HSD17B12: variants seen among roughly 807,000 people sequenced by gnomAD.
HSD17B12 encodes the protein hydroxysteroid 17-beta dehydrogenase 12.
Under a neutral mutation model 39.3 loss-of-function variants are expected in HSD17B12, and 32 were observed. The observed-to-expected ratio is 0.81, with a 90% CI of 0.61 to 1.09. The LOEUF (loss-of-function observed/expected upper bound fraction) is 1.09, where lower values mean the gene tolerates loss of function less well. Among genes scored for constraint, HSD17B12 ranks in the 50% least tolerant of loss-of-function variants. The pLI, the probability that HSD17B12 is intolerant of heterozygous loss-of-function variation, is 0.00. For missense variants in HSD17B12, 342 were observed against 382.9 expected, an observed-to-expected ratio of 0.89 and a Z score of 0.89; for synonymous variants, 150 against 146.7, an observed-to-expected ratio of 1.02 and a Z score of -0.16.
chr11:43,781,972 A>T (rs1950770006), intron 3 of HSD17B12, among the ~76,000 whole-genome samples: 1 of 152,210 alleles, frequency 6.6e-6, no homozygotes, highest in African/African-American at 2.4e-5. Flanking sequence ...ACTCTGATTG[A>T]TTTAATAACA....
At chr11:43,762,788 G>A (rs7127494) in intron 3 of HSD17B12, among the ~76,000 whole-genome samples, 166 of 152,236 alleles carry the variant, frequency 1.1e-3, no homozygotes, top group African/African-American at 3.9e-3. Context: ...TGTTGATAAC[G>A]TAATCTTAGC....
intron 1 of HSD17B12, among the ~76,000 whole-genome samples, chr11:43,744,332 TG>T (rs1950394611): frequency 6.6e-6 from 1 of 151,738 alleles, no homozygotes; most frequent in Non-Finnish European, 1.5e-5. Flanking sequence ...ACAGACTAAG[TG>T]ATAATTGTAA....
At chr11:43,563,883 C>T in the HSD17B12 span, among the ~76,000 whole-genome samples, 1 of 152,032 alleles carries the variant, frequency 6.6e-6, no homozygotes, top group East Asian at 1.9e-4. Flanking sequence ...AGAAGAACAG[C>T]CTTCTTTTAT....
the HSD17B12 span, among the ~76,000 whole-genome samples, chr11:43,643,411 T>C: frequency 1.3e-5 from 2 of 152,162 alleles, no homozygotes; most frequent in African/African-American, 4.8e-5. Context: ...GAATAAAATA[T>C]GTAATTGTGC....
chr11:43,796,263 A>C (rs1346929939), intron 3 of HSD17B12, among the ~76,000 whole-genome samples: 3 of 152,100 alleles, frequency 2.0e-5, no homozygotes, highest in Non-Finnish European at 2.9e-5. Context: ...ACCTACGTTA[A>C]ATAGGAAAAG....
At chr11:43,668,114 A>G in the HSD17B12 span, among the ~76,000 whole-genome samples, 2 of 152,204 alleles carry the variant, frequency 1.3e-5, no homozygotes, top group Admixed American at 6.5e-5. Flanking sequence ...GCTGTTACAA[A>G]TTACTGCAGA....
intron 1 of HSD17B12, among the ~76,000 whole-genome samples, chr11:43,724,880 G>A (rs1950207260): frequency 6.6e-6 from 1 of 152,058 alleles, no homozygotes; most frequent in Admixed American, 6.6e-5. Context: ...GAGAAACTAG[G>A]GGCACATACT....
chr11:43,592,751 A>G, the HSD17B12 span, among the ~76,000 whole-genome samples: 3 of 152,140 alleles, frequency 2.0e-5, no homozygotes, highest in Admixed American at 6.5e-5. Flanking sequence ...TATGGGTAAA[A>G]TATGGCTTAT....
At chr11:43,833,030 CTCAAAAAAAAAAAAAA>C (rs1565106015) in intron 7 of HSD17B12, 2 of 66,854 alleles carry the variant, frequency 3.0e-5, no homozygotes, top group Admixed American at 1.4e-4. Context: ...GAGACCCTGT[CTCAAAAAAAAAAAAAA>C]AAAAAAAAGG....
chr11:43,785,383 A>G (rs1030476334), intron 3 of HSD17B12, among the ~76,000 whole-genome samples: 4 of 152,216 alleles, frequency 2.6e-5, no homozygotes, highest in African/African-American at 9.6e-5. Flanking sequence ...AACAGTTAAT[A>G]TTACATGAAA....
chr11:43,655,884 C>T, the HSD17B12 span, among the ~76,000 whole-genome samples: 150,837 of 152,216 alleles, frequency 0.99, 74,754 homozygotes, highest in Middle Eastern at 1. Flanking sequence ...GTTGTGTCTC[C>T]GTCAGCCTTT....
intron 1 of HSD17B12, among the ~76,000 whole-genome samples, chr11:43,736,737 C>T (rs1163374571): frequency 1.3e-5 from 2 of 152,128 alleles, no homozygotes; most frequent in Non-Finnish European, 2.9e-5. Context: ...GAAGTTGCTG[C>T]TGTTTTATTA....
the HSD17B12 span, among the ~76,000 whole-genome samples, chr11:43,604,620 T>C: frequency 2.1e-4 from 32 of 152,320 alleles, no homozygotes; most frequent in Admixed American, 5.9e-4. Flanking sequence ...CATAATTCAT[T>C]ACTGGCATCA....
At chr11:43,847,721 A>AAAAAAAAAAAAAAAAAAAAAAG in intron 9 of HSD17B12, among the ~76,000 whole-genome samples, 1 of 151,118 alleles carries the variant, frequency 6.6e-6, no homozygotes, top group African/African-American at 2.4e-5. Flanking sequence ...CTCACAAAAA[A>AAAAAAAAAAAAAAAAAAAAAAG]AAAAAAAAAA....
chr11:43,818,248 T>C (rs552500614), intron 6 of HSD17B12, among the ~76,000 whole-genome samples: 1 of 152,256 alleles, frequency 6.6e-6, no homozygotes, highest in Admixed American at 6.5e-5. Flanking sequence ...ACGGGGAATA[T>C]GGAAGTATAA....
the HSD17B12 span, among the ~76,000 whole-genome samples, chr11:43,602,142 T>C: frequency 6.6e-6 from 1 of 152,224 alleles, no homozygotes; most frequent in Non-Finnish European, 1.5e-5. Flanking sequence ...CTTCCATCTG[T>C]CTTGCTTCAG....
At chr11:43,760,296 C>T (rs537587188) in intron 3 of HSD17B12, among the ~76,000 whole-genome samples, 38 of 152,288 alleles carry the variant, frequency 2.5e-4, no homozygotes, top group African/African-American at 9.1e-4. Context: ...GCGATCCTCC[C>T]ACCTTGGCCC....
At chr11:43,636,522 A>C in the HSD17B12 span, among the ~76,000 whole-genome samples, 3 of 152,328 alleles carry the variant, frequency 2.0e-5, no homozygotes, top group East Asian at 5.8e-4. Context: ...CCATTACATG[A>C]ATAAATGGTC....
At chr11:43,815,622 C>A in intron 5 of HSD17B12, 121 bp downstream of exon 5, 1 of 549,114 alleles carries the variant, frequency 1.8e-6, no homozygotes, top group Non-Finnish European at 3.4e-6. Flanking sequence ...CTTCTGTTTA[C>A]TACCTGAGTT....
Sources: allele counts gnomAD v4.1 joint callset (sites outside exome capture counted in the v4.1 genomes callset), GRCh38; gene constraint gnomAD v4.1.1; transcripts MANE v1.5; gene names NCBI Gene and HGNC (gene_info 2026-07-23, HGNC 2026-07-21).